The following CAST variants were observed in gnomAD, a reference collection of about 807,000 sequenced individuals.
CAST encodes calpastatin.
In CAST, 76 loss-of-function variants were observed where a neutral mutation model predicts 119.6. That is an observed-to-expected ratio of 0.64 (90% CI 0.53 to 0.77). CAST has a LOEUF of 0.77. Ranked by LOEUF, CAST falls within the 30% of genes least tolerant of loss-of-function variation. The probability of loss-of-function intolerance (pLI) is 0.00; values close to 1 mark genes in which losing one functional copy is unlikely to be tolerated. For synonymous variants in CAST, 319 were observed against 331.6 expected, an observed-to-expected ratio of 0.96 and a Z score of 0.41; for missense variants, 953 against 946.5, an observed-to-expected ratio of 1.01 and a Z score of -0.09.
At chr5:96,451,936 A>G in the CAST span, among the ~76,000 whole-genome samples, 3 of 152,368 alleles carry the variant, frequency 2.0e-5, no homozygotes, top group Non-Finnish European at 2.9e-5. Flanking sequence ...CAAAACCGCA[A>G]TGAGATACTA....
At chr5:96,691,730 A>G (rs552182724) in intron 2 of CAST, among the ~76,000 whole-genome samples, 21 of 152,382 alleles carry the variant, frequency 1.4e-4, no homozygotes, top group Middle Eastern at 3.4e-3. Flanking sequence ...AGAAATGTTC[A>G]GAAACTTGCC....
chr5:96,628,532 G>T (rs1053989935), intron 1 of CAST, among the ~76,000 whole-genome samples: 1 of 152,140 alleles, frequency 6.6e-6, no homozygotes, highest in Non-Finnish European at 1.5e-5. Flanking sequence ...GAATCTGGGG[G>T]GCTGGGTGAC....
chr5:96,274,319 G>A, the CAST span, among the ~76,000 whole-genome samples: 2 of 151,744 alleles, frequency 1.3e-5, no homozygotes, highest in African/African-American at 2.4e-5. Flanking sequence ...AGCCAGGATG[G>A]TCTCAATCTC....
chr5:96,504,526 T>TC, the CAST span, among the ~76,000 whole-genome samples: 9 of 104,450 alleles, frequency 8.6e-5, no homozygotes, highest in Non-Finnish European at 1.2e-4. Flanking sequence ...TTAGAATACT[T>TC]TTTTTTTTTT....
chr5:96,771,394 AC>A (rs768137896), intron 30 of CAST, among the ~76,000 whole-genome samples: 3 of 151,984 alleles, frequency 2.0e-5, no homozygotes, highest in African/African-American at 4.8e-5. Context: ...TTTATAACCT[AC>A]CCTAGCCTTA....
chr5:96,337,450 C>A, the CAST span, among the ~76,000 whole-genome samples: 2 of 152,132 alleles, frequency 1.3e-5, no homozygotes, highest in East Asian at 3.8e-4. Flanking sequence ...CTTCATAGTA[C>A]ACTGAAGAAA....
the CAST span, among the ~76,000 whole-genome samples, chr5:96,056,844 G>A: frequency 6.6e-6 from 1 of 152,064 alleles, no homozygotes; most frequent in African/African-American, 2.4e-5. Flanking sequence ...GGGGAGACTT[G>A]GTATAATCTC....
At chr5:96,029,984 T>G in the CAST span, among the ~76,000 whole-genome samples, 1 of 152,152 alleles carries the variant, frequency 6.6e-6, no homozygotes, top group Non-Finnish European at 1.5e-5. Flanking sequence ...TTGACATTTC[T>G]TGTTAATAGA....
intron 1 of CAST, among the ~76,000 whole-genome samples, chr5:96,633,018 C>G (rs1460002128): frequency 6.6e-6 from 1 of 152,138 alleles, no homozygotes; most frequent in Non-Finnish European, 1.5e-5. Flanking sequence ...GTTGCCTAGG[C>G]TGGAGTGCAG....
At chr5:96,257,204 T>A in the CAST span, among the ~76,000 whole-genome samples, 1 of 152,212 alleles carries the variant, frequency 6.6e-6, no homozygotes, top group Non-Finnish European at 1.5e-5. Flanking sequence ...AATTAATTTG[T>A]ATCTTTATCT....
the CAST span, among the ~76,000 whole-genome samples, chr5:96,102,175 T>A: frequency 6.6e-6 from 1 of 152,162 alleles, no homozygotes; most frequent in East Asian, 1.9e-4. Context: ...TGGTGGGTCC[T>A]GAGCTCTTGT....
chr5:96,144,094 T>C, the CAST span, among the ~76,000 whole-genome samples: 1 of 152,160 alleles, frequency 6.6e-6, no homozygotes, highest in Non-Finnish European at 1.5e-5. Context: ...TAAAACATAA[T>C]TAGGTGTCTT....
chr5:96,083,102 T>G, the CAST span, among the ~76,000 whole-genome samples: 1 of 152,180 alleles, frequency 6.6e-6, no homozygotes, highest in African/African-American at 2.4e-5. Flanking sequence ...AGAAGAAATT[T>G]TTGGAGTTAG....
chr5:96,477,118 T>C, the CAST span, among the ~76,000 whole-genome samples: 1 of 143,426 alleles, frequency 7.0e-6, no homozygotes, highest in Non-Finnish European at 1.5e-5. Flanking sequence ...ACACAAATTA[T>C]CACAGTCTTA....
At chr5:95,984,080 G>T in the CAST span, among the ~76,000 whole-genome samples, 2 of 152,156 alleles carry the variant, frequency 1.3e-5, no homozygotes, top group African/African-American at 2.4e-5. Context: ...TGAAATCTTT[G>T]AAATTAAACC....
At chr5:96,026,008 G>A in the CAST span, among the ~76,000 whole-genome samples, 1 of 152,146 alleles carries the variant, frequency 6.6e-6, no homozygotes, top group South Asian at 2.1e-4. Context: ...CAAGACAAGT[G>A]GATTGCTTAA....
chr5:96,583,896 G>C (rs769391423), intron 1 of CAST, among the ~76,000 whole-genome samples: 3 of 152,182 alleles, frequency 2.0e-5, no homozygotes, highest in Non-Finnish European at 4.4e-5. Flanking sequence ...AGTGGTAGAG[G>C]GGGTAGACAG....
chr5:96,188,469 T>C, the CAST span, among the ~76,000 whole-genome samples: 4 of 152,148 alleles, frequency 2.6e-5, no homozygotes, highest in Non-Finnish European at 5.9e-5. Flanking sequence ...TTTCTCCCAA[T>C]GTTTGATATT....
intron 1 of CAST, among the ~76,000 whole-genome samples, chr5:96,562,450 C>A (rs1746396121): frequency 6.6e-6 from 1 of 152,136 alleles, no homozygotes; most frequent in South Asian, 2.1e-4. Context: ...GCCTCTCAAA[C>A]TGAGTACTAA....
Sources: allele counts gnomAD v4.1 joint callset (sites outside exome capture counted in the v4.1 genomes callset), GRCh38; gene constraint gnomAD v4.1.1; transcripts MANE v1.5; gene names NCBI Gene and HGNC (gene_info 2026-07-23, HGNC 2026-07-21).